The following ITGB5 variants were observed in gnomAD, a reference collection of about 807,000 sequenced individuals.
ITGB5 encodes integrin beta-5.
Under a neutral mutation model 84.8 loss-of-function variants are expected in ITGB5, and 38 were observed. The observed-to-expected ratio is 0.45, with a 90% CI of 0.35 to 0.59. ITGB5 has a LOEUF of 0.59. Ranked by LOEUF, ITGB5 falls within the 20% of genes least tolerant of loss-of-function variation. ITGB5 has a pLI of 0.01. For missense variants in ITGB5, 905 were observed against 1,034.5 expected (o/e 0.87, Z 1.72); for synonymous variants, 393 against 414.4 (o/e 0.95, Z 0.63).
upstream of ITGB5, among the ~76,000 whole-genome samples, chr3:124,891,100 G>A (rs1184797097): frequency 3.5e-4 from 53 of 152,020 alleles, 1 homozygote; most frequent in Admixed American, 3.5e-3. Flanking sequence ...TTGACGACGG[G>A]GTTTGAGCAT....
chr3:124,857,701 G>T (rs1238240920), intron 3 of ITGB5, among the ~76,000 whole-genome samples: 2 of 152,184 alleles, frequency 1.3e-5, no homozygotes, highest in African/African-American at 4.8e-5. Flanking sequence ...ACATTGCAAG[G>T]CTTCTAATAT....
chr3:124,883,587 T>C (rs1934675571), intron 1 of ITGB5, among the ~76,000 whole-genome samples: 1 of 152,074 alleles, frequency 6.6e-6, no homozygotes, highest in Non-Finnish European at 1.5e-5. Flanking sequence ...GGAAATGTGG[T>C]AGGGGGTTGG....
At chr3:124,802,786 T>C (rs1484256380) in intron 9 of ITGB5, among the ~76,000 whole-genome samples, 2 of 152,234 alleles carry the variant, frequency 1.3e-5, no homozygotes, top group Non-Finnish European at 2.9e-5. Flanking sequence ...AACAGAATCA[T>C]GTCTGGCTCT....
At chr3:124,807,741 C>T (rs1275697908) in intron 9 of ITGB5, among the ~76,000 whole-genome samples, 4 of 151,410 alleles carry the variant, frequency 2.6e-5, no homozygotes, top group Middle Eastern at 3.4e-3. Context: ...GTCAGGAGAT[C>T]GAGACCATCC....
chr3:124,859,191 C>G, intron 3 of ITGB5, 51 bp downstream of exon 3: 1 of 1,553,006 alleles, frequency 6.4e-7, no homozygotes, highest in Non-Finnish European at 8.8e-7. Flanking sequence ...CCACCTCCCC[C>G]ATGGGCCTTC....
At chr3:124,810,160 C>T (rs12630372) in intron 8 of ITGB5, among the ~76,000 whole-genome samples, 1 of 151,992 alleles carries the variant, frequency 6.6e-6, no homozygotes, top group Non-Finnish European at 1.5e-5. Context: ...GAATACCATA[C>T]AGTAATGAGA....
rs370583758 is a variant in ITGB5 at position 124,848,350 on chromosome 3, G to A, written c.570C>T (p.Phe190=). Residue 190 remains phenylalanine, a synonymous_variant, in exon 4 of 15, where the codon TTC becomes TTT. Coordinates refer to ENST00000296181, the MANE Select transcript of ITGB5 (RefSeq NM_002213.5). Reference sequence around the variant, plus strand: ...TCTGGTACCTCGGTGCCGTGTAGGAGAAAGGAGAGATGTCCTTATCAACAA... The same window carrying A: ...TCTGGTACCTCGGTGCCGTGTAGGAAAAAGGAGAGATGTCCTTATCAACAA... The part of the protein sequence containing the change: ...GSFVDKDISP[F]SYTAPRYQTN... The A allele has an allele frequency of 1.9e-5, 31 of 1,614,048 alleles. No homozygotes were observed. Among genetic ancestry groups the A allele is most frequent in the Non-Finnish European group, 2.5e-5 (30 of 1,180,040 alleles).
Position 124,762,197 on chromosome 3 carries a change from GAAGT to G in ITGB5, c.*1422_*1425del, listed in dbSNP as rs1311769486. 2.0e-5 allele frequency: 3 copies of G among 152,218 alleles called. No homozygotes were observed. Among genetic ancestry groups the G allele is most frequent in the Non-Finnish European group, 2.9e-5 (2 of 68,050 alleles). The allele number at this position is 152,218 out of a possible 1,614,324, so 9.4% of individuals were successfully genotyped here. A position where few individuals can be genotyped will look rare whatever the true frequency, so the allele number is the denominator to read the frequency against. ...TATTTGACTTAGTGTTTGCCAAAAT[GAAGT>G]AAGGGGAATTGGGTCCAGAGCTGAG... On this transcript the variant is annotated 3_prime_UTR_variant, in exon 15 of 15. Coordinates refer to ENST00000296181, the MANE Select transcript of ITGB5 (RefSeq NM_002213.5).
chr3:124,808,555 A>G (rs1288303031), intron 9 of ITGB5, among the ~76,000 whole-genome samples: 1 of 152,234 alleles, frequency 6.6e-6, no homozygotes, highest in African/African-American at 2.4e-5. Context: ...CCACTGCTGT[A>G]GAGTCATCCA....
intron 10 of ITGB5, among the ~76,000 whole-genome samples, chr3:124,786,611 A>G (rs2064085619): frequency 6.6e-6 from 1 of 152,148 alleles, no homozygotes; most frequent in Admixed American, 6.5e-5. Flanking sequence ...CAACAGTCAG[A>G]GCCCAGGAGG....
At chr3:124,840,378 TAAG>T (rs955756326) in intron 5 of ITGB5, among the ~76,000 whole-genome samples, 1 of 152,138 alleles carries the variant, frequency 6.6e-6, no homozygotes, top group African/African-American at 2.4e-5. Flanking sequence ...GCACAAAGAC[TAAG>T]AAGAGACTCA....
At chr3:124,825,057 C>T (rs1177581844) in intron 5 of ITGB5, among the ~76,000 whole-genome samples, 1 of 151,938 alleles carries the variant, frequency 6.6e-6, no homozygotes, top group Non-Finnish European at 1.5e-5. Flanking sequence ...ATTAGCTGGG[C>T]GTGGTGGTGG....
chr3:124,900,134 A>G (rs1935188732), intron 1 of ITGB5, among the ~76,000 whole-genome samples: 1 of 152,112 alleles, frequency 6.6e-6, no homozygotes, highest in Non-Finnish European at 1.5e-5. Flanking sequence ...CATTGTTCCT[A>G]CTGACTATTG....
chr3:124,854,469 C>G (rs574483444), intron 3 of ITGB5, among the ~76,000 whole-genome samples: 1 of 152,116 alleles, frequency 6.6e-6, no homozygotes, highest in Admixed American at 6.5e-5. Context: ...CATGGATGAA[C>G]CTTGAAACAT....
At position 124,894,007 on chromosome 3, in the gene ITGB5, T is replaced by A. The variant is rs569687053; in HGVS notation, c.-255+7259A>T. On this transcript the variant is annotated intron_variant, in intron 1 of 4. Coordinates refer to the ITGB5 transcript ENST00000608657. ...ATTATTACATCTTTCTGAGGGCAAT[T>A]TTTGAAAGGTTAATTTTGAAAATAC... 2.6e-4 allele frequency among the ~76,000 whole-genome samples: 39 copies of A among 152,262 alleles called. No individual in the cohort carries two copies. In the South Asian group the frequency reaches 7.9e-3, roughly 31 times the overall value.
Position 124,796,726 on chromosome 3 carries a change from C to A in ITGB5, c.1355G>T (p.Ser452Ile), listed in dbSNP as rs1185605981. ...FALRPVGFRDSLEVGVTYNCT... is the reference protein window; with the variant it reads ...FALRPVGFRDILEVGVTYNCT... ...GTTGTAGGTGACCCCCACCTCCAGG[C>A]TGTCCCGGAATCCCACCGGCCGCAG... is the stretch of plus-strand genomic sequence containing the variant. Residue 452 changes from serine to isoleucine, a missense_variant, in exon 10 of 15, where the codon AGC (serine) becomes ATC (isoleucine). Ser to Ile is a moderately radical substitution (Grantham distance 142). Around this residue, in one of 3 missense-constraint regions of ITGB5, gnomAD observed 656 missense variants for 734.7 expected, o/e 0.89. Transcript: ENST00000296181. The A allele has an allele frequency of 1.2e-6, 2 of 1,614,044 alleles. No homozygotes were observed. Among genetic ancestry groups the A allele is most frequent in the African/African-American group, 2.7e-5 (2 of 74,938 alleles).
chr3:124,774,528 G>A lies in ITGB5; in HGVS notation c.1694-616C>T, dbSNP rs553609719. 1.5e-3 allele frequency among the ~76,000 whole-genome samples: 236 copies of A among 152,268 alleles called. 1 individual carries two copies. The highest frequency in any genetic ancestry group is 5.4e-3 in the African/African-American group (223 of 41,548). On this transcript the variant is annotated intron_variant, in intron 10 of 14. Transcript: ENST00000296181. ...TGGAGGCTGGAAAGGCCAGGAAGCC[G>A]ATGCTCCCTGGGAGCCTCAGAGGGA...
At chr3:124,824,810 G>A (rs2064759515) in intron 5 of ITGB5, among the ~76,000 whole-genome samples, 1 of 152,158 alleles carries the variant, frequency 6.6e-6, no homozygotes, top group South Asian at 2.1e-4. Context: ...AGTCATTAAG[G>A]AAATGCAAAT....
intron 1 of ITGB5, among the ~76,000 whole-genome samples, chr3:124,897,286 T>A (rs1334801046): frequency 6.6e-6 from 1 of 152,104 alleles, no homozygotes; most frequent in Non-Finnish European, 1.5e-5. Flanking sequence ...AGAGGTGGGA[T>A]CTCACTATGT....
Sources: gnomAD v4.1 joint callset for allele counts (sites outside exome capture counted in the v4.1 genomes callset) on GRCh38, gnomAD v4.1.1 for gene constraint, gnomAD v4.1.1 regional missense constraint, MANE v1.5 for transcripts, NCBI Gene and HGNC (gene_info 2026-07-23, HGNC 2026-07-21) for gene names.